Variants in HAPLN2 observed in about 807,000 individuals in gnomAD.
The protein encoded by HAPLN2 is hyaluronan and proteoglycan link protein 2, also known as brain link protein-1.
A neutral mutation model predicts 29.3 loss-of-function variants in HAPLN2; 27 were observed. The ratio of observed to expected loss-of-function variants is 0.92; its 90% CI spans 0.68 to 1.27. HAPLN2 has a LOEUF of 1.27. Ranked by LOEUF, HAPLN2 falls within the 50% of genes most tolerant of loss-of-function variation. The probability of loss-of-function intolerance (pLI) is 0.00; values close to 1 mark genes in which losing one functional copy is unlikely to be tolerated. For missense variants in HAPLN2, 454 were observed against 484.3 expected (o/e 0.94, Z 0.59); for synonymous variants, 208 against 211.7 (o/e 0.98, Z 0.15).
At chr1:156,615,911 T>C (rs964868966), upstream of HAPLN2, among the ~76,000 whole-genome samples, 1 of 151,940 alleles carries the variant, frequency 6.6e-6, no homozygotes. Flanking sequence ...TCCTATCTCT[T>C]AAAAAAATTT....
chr1:156,613,434 C>T, the HAPLN2 span, among the ~76,000 whole-genome samples: 4 of 152,116 alleles, frequency 2.6e-5, no homozygotes, highest in Admixed American at 2.0e-4. Flanking sequence ...AACCAAAACC[C>T]CTTTGTGATT....
chr1:156,615,508 A>G (rs1040075471), upstream of HAPLN2, among the ~76,000 whole-genome samples: 5 of 151,116 alleles, frequency 3.3e-5, no homozygotes, highest in African/African-American at 1.2e-4. Context: ...GTGAGCAATG[A>G]TCACACCACT....
At chr1:156,616,142 G>T (rs1228510792), upstream of HAPLN2, among the ~76,000 whole-genome samples, 2 of 151,620 alleles carry the variant, frequency 1.3e-5, no homozygotes, top group South Asian at 2.1e-4. Flanking sequence ...AGCGAGTGTG[G>T]GTGTTAGAGA....
rs1195398725 is a variant in HAPLN2, at chr1:156,623,800, T to C, written c.86-7T>C. 6.7e-7 allele frequency: 1 copy of C among 1,499,366 alleles called. No individual in the cohort carries two copies. Among genetic ancestry groups the C allele is most frequent in the East Asian group, 2.4e-5 (1 of 42,466 alleles). 92.9% of individuals were successfully genotyped at this position (1,499,366 alleles called of 1,614,324 possible). ...GGGTTCCTGCCACTGTGGCCCCCTC[T>C]GCCCAGCATCCCACCCGGGCCCCCA... On this transcript the variant is annotated splice_polypyrimidine_tract_variant and splice_region_variant and intron_variant, in intron 3 of 6. Coordinates refer to ENST00000255039, the MANE Select transcript of HAPLN2 (RefSeq NM_021817.3).
At chr1:156,604,975 CAAAGGA>C in the HAPLN2 span, among the ~76,000 whole-genome samples, 1 of 149,738 alleles carries the variant, frequency 6.7e-6, no homozygotes, top group Non-Finnish European at 1.5e-5. Flanking sequence ...TATAGAAATG[CAAAGGA>C]CCAGCTGGGA....
At chr1:156,603,432 A>G in the HAPLN2 span, among the ~76,000 whole-genome samples, 1 of 120,264 alleles carries the variant, frequency 8.3e-6, no homozygotes, top group Admixed American at 9.8e-5. Flanking sequence ...CCACCTCTCC[A>G]TCTCTTCTAC....
At chr1:156,611,634 C>A in the HAPLN2 span, among the ~76,000 whole-genome samples, 4 of 152,036 alleles carry the variant, frequency 2.6e-5, no homozygotes, top group South Asian at 2.1e-4. Flanking sequence ...AACAAACAAA[C>A]AAAAAAACCA....
rs765399919 is a variant in HAPLN2, at chr1:156,624,354, T to G, written c.443T>G (p.Val148Gly). The G allele has an allele frequency of 6.2e-6, 10 of 1,600,750 alleles. No individual in the cohort carries two copies. In the South Asian group the frequency reaches 1.1e-4, roughly 18 times the overall value. The change falls in exon 5 of 7, where the codon GTG (valine) becomes GGG (glycine). Residue 148 changes from valine to glycine, a missense_variant. Physicochemically the swap from Val to Gly is moderately radical, Grantham distance 109. Transcript: ENST00000255039. ...CAGGATCCCCGCCACCCCCTAGGTG[T>G]GGTGTTTCCGTACCAACCCAGCCGG... is the stretch of plus-strand genomic sequence containing the variant. ...SVALTLSLEGVVFPYQPSRGR... is the reference protein window; with the variant it reads ...SVALTLSLEGGVFPYQPSRGR...
At chr1:156,610,392 C>G in the HAPLN2 span, among the ~76,000 whole-genome samples, 1 of 152,114 alleles carries the variant, frequency 6.6e-6, no homozygotes, top group Non-Finnish European at 1.5e-5. Flanking sequence ...AATCCCAGCA[C>G]TTTGGGAGGC....
At chr1:156,602,679 GA>G in the HAPLN2 span, among the ~76,000 whole-genome samples, 1,482 of 140,866 alleles carry the variant, frequency 0.011, 17 homozygotes, top group African/African-American at 0.035. Flanking sequence ...CAGTGAGCCA[GA>G]AAAAAAAAAA....
the HAPLN2 span, among the ~76,000 whole-genome samples, chr1:156,608,149 T>C: frequency 2.0e-5 from 3 of 152,352 alleles, no homozygotes; most frequent in East Asian, 5.8e-4. Flanking sequence ...TATTTGAGTC[T>C]CACTGTAATA....
chr1:156,624,974 C>T (rs1678399759), intron 6 of HAPLN2, 127 bp from the exon 7 acceptor site: 3 of 1,256,206 alleles, frequency 2.4e-6, no homozygotes, highest in Admixed American at 5.5e-5. Flanking sequence ...GCCTCGATCC[C>T]CCAACTCCTC....
upstream of HAPLN2, among the ~76,000 whole-genome samples, chr1:156,617,090 A>AAAAGAAAG (rs71270462): frequency 0.015 from 2,205 of 148,454 alleles, 31 homozygotes; most frequent in South Asian, 0.029. Context: ...ACCCTGTTTC[A>AAAAGAAAG]AAAGAAAGAA....
At chr1:156,612,467 C>A in the HAPLN2 span, among the ~76,000 whole-genome samples, 1 of 152,120 alleles carries the variant, frequency 6.6e-6, no homozygotes, top group Non-Finnish European at 1.5e-5. Context: ...TAGCTTACTG[C>A]AGCTTTAAAC....
rs1055533878 is a variant in HAPLN2, at chr1:156,625,150, G to A, written c.789G>A (p.Ala263=). 1.3e-6 allele frequency: 2 copies of A among 1,542,948 alleles called. No homozygotes were observed. The highest frequency in any genetic ancestry group is 1.7e-6 in the Non-Finnish European group (2 of 1,146,652). Reference sequence around the variant, plus strand: ...GGCTGACGCTGTCTGAAGCCCACGCGGCGTGCCGGCGACGCGGCGCCGTGG... The same window carrying A: ...GGCTGACGCTGTCTGAAGCCCACGCAGCGTGCCGGCGACGCGGCGCCGTGG... The part of the protein sequence containing the change: ...PGRLTLSEAH[A]ACRRRGAVVA... The change falls in exon 7 of 7, where the codon GCG becomes GCA. Residue 263 remains alanine (A), a synonymous_variant. Coordinates refer to ENST00000255039, the MANE Select transcript of HAPLN2 (RefSeq NM_021817.3). This position sits in a 1 kb window ranked among gnomAD's most constrained non-coding sequence, Gnocchi z 5.7.
chr1:156,606,538 A>G, the HAPLN2 span, among the ~76,000 whole-genome samples: 622 of 147,094 alleles, frequency 4.2e-3, no homozygotes, highest in African/African-American at 0.015. Context: ...GCTGGAGTGC[A>G]GTGGCGTGAT....
rs908467519 is a variant in HAPLN2, at chr1:156,625,024, C to G, written c.740-77C>G. 2.0e-6 allele frequency: 3 copies of G among 1,490,736 alleles called. No homozygotes were observed. Among genetic ancestry groups the G allele is most frequent in the Non-Finnish European group, 2.7e-6 (3 of 1,119,688 alleles). The allele number at this position is 1,490,736 out of a possible 1,614,324, so 92.3% of individuals were successfully genotyped here. On this transcript the variant is annotated intron_variant, in intron 6 of 6. Transcript: ENST00000255039. The surrounding 1 kb of genome is among the most constrained non-coding windows in gnomAD (Gnocchi z 5.7). ...TCCAGCACCTCTGCGGTCCCGCACC[C>G]CAACTCCGCCTCCTGGGTGTCAGCC...
In HAPLN2 at chr1:156,625,412, G is replaced by A; in HGVS notation, c.*28G>A. 3 of 1,550,888 alleles carry A rather than the reference G, an allele frequency of 1.9e-6. No homozygotes were observed. Among genetic ancestry groups the A allele is most frequent in the East Asian group, 2.4e-5 (1 of 42,046 alleles). On this transcript the variant is annotated 3_prime_UTR_variant, in exon 7 of 7. Coordinates refer to ENST00000255039, the MANE Select transcript of HAPLN2 (RefSeq NM_021817.3). This position sits in a 1 kb window ranked among gnomAD's most constrained non-coding sequence, Gnocchi z 5.7. ...GCCCACCGTGTCCCCTCCAGCGCGC[G>A]CGAAGAAGCTTGGGAGTCGTGGCGG... is the stretch of plus-strand genomic sequence containing the variant.
the HAPLN2 span, among the ~76,000 whole-genome samples, chr1:156,606,560 G>A: frequency 6.7e-6 from 1 of 149,690 alleles, no homozygotes; most frequent in Non-Finnish European, 1.5e-5. Flanking sequence ...ATGGCTCCCT[G>A]AAGCCTCAAT....
Sources: gnomAD v4.1 joint callset for allele counts (sites outside exome capture counted in the v4.1 genomes callset) on GRCh38, gnomAD v4.1.1 for gene constraint, Gnocchi (gnomAD v3.1) non-coding constraint, MANE v1.5 for transcripts, NCBI Gene and HGNC (gene_info 2026-07-23, HGNC 2026-07-21) for gene names.